Variants in DCBLD1 observed in about 807,000 individuals in gnomAD.
DCBLD1 encodes discoidin, CUB and LCCL domain-containing protein 1.
DCBLD1 carries 57 observed loss-of-function variants against 71.5 expected under a neutral mutation model. That is an observed-to-expected ratio of 0.80 (90% confidence interval 0.64 to 0.99). The LOEUF (loss-of-function observed/expected upper bound fraction) is 0.99. Among genes scored for constraint, DCBLD1 ranks in the 50% least tolerant of loss-of-function variants. DCBLD1 has a pLI of 0.00. For missense variants in DCBLD1, 891 were observed against 923.5 expected (o/e 0.96, Z 0.46); for synonymous variants, 380 against 363.8 (o/e 1.04, Z -0.51).
At chr6:117,521,970 T>C (rs879783517) in intron 4 of DCBLD1, among the ~76,000 whole-genome samples, 8 of 152,224 alleles carry the variant, frequency 5.3e-5, no homozygotes, top group Non-Finnish European at 8.8e-5. Context: ...AGTTCCACTA[T>C]AGGGCCAATG....
chr6:117,550,195 A>G (rs1264689266), downstream of DCBLD1, among the ~76,000 whole-genome samples: 2 of 152,300 alleles, frequency 1.3e-5, no homozygotes, highest in South Asian at 2.1e-4. Context: ...GTCTTCATCT[A>G]TCACAGTTCT....
At position 117,544,479 on chromosome 6, in the gene DCBLD1, G is replaced by A. The variant is rs376107411; in HGVS notation, c.1446-49G>A. On this transcript the variant is annotated intron_variant, in intron 12 of 14. Transcript: ENST00000338728. ...CCTTATGTTATATAGGGAGAGAGAG[G>A]CAGATACATTGGCTTATAAATATTC... 19 of 1,590,824 alleles carry A rather than the reference G, an allele frequency of 1.2e-5. No homozygotes were observed. The East Asian group carries it at 3.4e-4, about 28-fold the overall frequency.
Position 117,548,123 on chromosome 6 carries a change from G to T in DCBLD1, c.1832G>T (p.Arg611Leu), listed in dbSNP as rs11153674. The T allele has an allele frequency of 0.11, 177,774 of 1,549,630 alleles. 10,828 individuals carry two copies. The highest frequency in any genetic ancestry group is 0.14 in the Middle Eastern group (811 of 5,984). The change falls in exon 15 of 15, where the codon CGC becomes CTC. Residue 611 changes from arginine (R) to leucine (L), a missense_variant. By Grantham distance (102) the Arg-to-Leu change is moderately radical. Coordinates refer to ENST00000338728, the MANE Select transcript of DCBLD1 (RefSeq NM_001366458.2). ...ATPIVERHVL[R>L]AHTFSAQSGY... is the part of the protein sequence containing the mutation. Reference sequence around the variant, plus strand: ...CCCATCGTGGAGCGGCACGTGCTGCGCGCCCACACGTTCTCTGCGCAGAGC... The same window carrying T: ...CCCATCGTGGAGCGGCACGTGCTGCTCGCCCACACGTTCTCTGCGCAGAGC...
At chr6:117,532,155 A>T (rs1778744145) in intron 5 of DCBLD1, 105 bp from the exon 6 acceptor site, 1 of 1,478,436 alleles carries the variant, frequency 6.8e-7, no homozygotes, top group Non-Finnish European at 9.0e-7. Flanking sequence ...GGCTTTATTC[A>T]TTGGGGCCAC....
chr6:117,518,938 T>G (rs1269740877), intron 2 of DCBLD1, among the ~76,000 whole-genome samples: 1 of 152,186 alleles, frequency 6.6e-6, no homozygotes, highest in Non-Finnish European at 1.5e-5. Context: ...TCTTTTATTC[T>G]TCTTCCTTCA....
chr6:117,501,942 C>G (rs987324458), intron 1 of DCBLD1, among the ~76,000 whole-genome samples: 3 of 152,110 alleles, frequency 2.0e-5, no homozygotes, highest in African/African-American at 7.2e-5. Context: ...CTGGACTGAA[C>G]AAGGCCTTGG....
chr6:117,495,936 G>A (rs13207962), intron 1 of DCBLD1, among the ~76,000 whole-genome samples: 38,430 of 152,104 alleles, frequency 0.25, 4,936 homozygotes, highest in South Asian at 0.39. Flanking sequence ...TAGAGGAATC[G>A]TAGATAGGAT....
Position 117,548,143 on chromosome 6 carries a change from C to A in DCBLD1, c.1852C>A (p.Gln618Lys), listed in dbSNP as rs1489013633. 1 of 1,550,144 alleles carries A rather than the reference C, an allele frequency of 6.5e-7. No individual in the cohort carries two copies. The highest frequency in any genetic ancestry group is 1.4e-5 in the African/African-American group (1 of 73,176). Residue 618 changes from glutamine (Q) to lysine (K), a missense_variant, in exon 15 of 15, where the codon CAG becomes AAG. By Grantham distance (53) the Gln-to-Lys change is moderately conservative (BLOSUM62 1). Transcript: ENST00000338728. ...GCTGCGCGCCCACACGTTCTCTGCG[C>A]AGAGCGGCTACCGCGTCCCAGGGCC... ...HVLRAHTFSA[Q>K]SGYRVPGPQP...
Position 117,482,974 on chromosome 6 carries a change from C to G in DCBLD1, c.112+81C>G, listed in dbSNP as rs1673209728. On this transcript the variant is annotated intron_variant, in intron 1 of 14. Coordinates refer to ENST00000338728, the MANE Select transcript of DCBLD1 (RefSeq NM_001366458.2). ...GGGCTGCGGGGCGGGCCGGGCCGGG[C>G]CGAGGGCTACGGGGCGGGCCGGGCC... is the stretch of plus-strand genomic sequence containing the variant. 5 of 594,418 alleles carry G rather than the reference C, an allele frequency of 8.4e-6. No individual in the cohort carries two copies. The South Asian group carries it at 5.5e-4, about 65-fold the overall frequency. 36.8% of individuals were successfully genotyped at this position (594,418 alleles called of 1,614,324 possible).
chr6:117,548,475 G>C lies in DCBLD1; in HGVS notation c.*36G>C, dbSNP rs1165790811. 2 of 1,548,340 alleles carry C rather than the reference G, an allele frequency of 1.3e-6. No homozygotes were observed. Among genetic ancestry groups the C allele is most frequent in the Admixed American group, 2.0e-5 (1 of 50,932 alleles). On this transcript the variant is annotated 3_prime_UTR_variant, in exon 15 of 15. Coordinates refer to ENST00000338728, the MANE Select transcript of DCBLD1 (RefSeq NM_001366458.2). ...AAAGAAGCCTGCTGTGGTACTGAGC[G>C]TCGGGCTGTCACAAGGCACTGGAAG... is the stretch of plus-strand genomic sequence containing the variant.
chr6:117,488,165 G>A (rs530199251), intron 1 of DCBLD1, among the ~76,000 whole-genome samples: 2 of 152,134 alleles, frequency 1.3e-5, no homozygotes, highest in Non-Finnish European at 1.5e-5. Flanking sequence ...TTCTTTCACC[G>A]CTAGCACCCA....
intron 4 of DCBLD1, among the ~76,000 whole-genome samples, chr6:117,522,093 C>T (rs1438652245): frequency 6.6e-6 from 1 of 152,052 alleles, no homozygotes; most frequent in African/African-American, 2.4e-5. Context: ...TAGAGAAAAA[C>T]CTACTGCAAA....
At chr6:117,524,163 T>G (rs1224388707) in intron 4 of DCBLD1, among the ~76,000 whole-genome samples, 1 of 152,038 alleles carries the variant, frequency 6.6e-6, no homozygotes, top group African/African-American at 2.4e-5. Flanking sequence ...TTCTGGAAAG[T>G]TTCTTGAAAA....
At chr6:117,499,472 T>C (rs899495351) in intron 1 of DCBLD1, among the ~76,000 whole-genome samples, 3 of 151,834 alleles carry the variant, frequency 2.0e-5, no homozygotes, top group African/African-American at 7.3e-5. Flanking sequence ...TATAAAAAAG[T>C]ATAAAATAGA....
Position 117,538,710 on chromosome 6 carries a change from A to G in DCBLD1, c.851A>G (p.His284Arg), listed in dbSNP as rs755465330. The G allele has an allele frequency of 1.9e-6, 3 of 1,614,072 alleles. No homozygotes were observed. Among genetic ancestry groups the G allele is most frequent in the Admixed American group, 3.3e-5 (2 of 60,006 alleles). ...GTCAATGAGAGTGGAGACCAAGTTC[A>G]CTGGTCTCCTGGCCAAGCCCGACTT... ...QSVNESGDQV[H>R]WSPGQARLQD... The change falls in exon 8 of 15, where the codon CAC becomes CGC. Residue 284 changes from histidine to arginine, a missense_variant. Physicochemically the swap from His to Arg is conservative, Grantham distance 29. Coordinates refer to ENST00000338728, the MANE Select transcript of DCBLD1 (RefSeq NM_001366458.2).
At chr6:117,518,468 C>T (rs1273858496) in intron 2 of DCBLD1, among the ~76,000 whole-genome samples, 5 of 152,188 alleles carry the variant, frequency 3.3e-5, no homozygotes, top group African/African-American at 7.2e-5. Flanking sequence ...TCCACATCTT[C>T]GGGTATCTTT....
chr6:117,538,935 A>G, intron 8 of DCBLD1, 100 bp downstream of exon 8: 1 of 1,201,136 alleles, frequency 8.3e-7, no homozygotes, highest in Non-Finnish European at 1.2e-6. Context: ...GTGCTTCTCT[A>G]CCTACCTCCA....
At chr6:117,546,861 G>A (rs767577998) in intron 14 of DCBLD1, among the ~76,000 whole-genome samples, 1 of 152,074 alleles carries the variant, frequency 6.6e-6, no homozygotes, top group Non-Finnish European at 1.5e-5. Context: ...GATGTCACCC[G>A]TTCCTCAGCA....
chr6:117,539,711 G>GA (rs781754360), intron 9 of DCBLD1: 26 of 180,006 alleles, frequency 1.4e-4, no homozygotes, highest in Non-Finnish European at 5.7e-5. Context: ...TTATGGTTGT[G>GA]CTATTGTACT....
Sources: allele counts gnomAD v4.1 joint callset (sites outside exome capture counted in the v4.1 genomes callset), GRCh38; gene constraint gnomAD v4.1.1; transcripts MANE v1.5; gene names NCBI Gene and HGNC (gene_info 2026-07-23, HGNC 2026-07-21).